The following GRM5 variants were observed in gnomAD, a reference collection of about 807,000 sequenced individuals.
GRM5 encodes glutamate metabotropic receptor 5.
In GRM5, 19 loss-of-function variants were observed where a neutral mutation model predicts 83.1. That is an observed-to-expected ratio of 0.23 (90% confidence interval 0.16 to 0.34). The LOEUF is 0.34. GRM5 is among the 10% of genes least tolerant of loss of function. The probability of loss-of-function intolerance (pLI) is 1.00; values close to 1 mark genes in which losing one functional copy is unlikely to be tolerated. For synonymous variants in GRM5, 675 were observed against 633.6 expected (o/e 1.07, Z -0.98); for missense variants, 1,160 against 1,588.3 (o/e 0.73, Z 4.58).
intron 3 of GRM5, among the ~76,000 whole-genome samples, chr11:88,720,039 C>CTTTTG (rs1678844861): frequency 6.6e-6 from 1 of 151,990 alleles, no homozygotes; most frequent in South Asian, 2.1e-4. Flanking sequence ...TTAATAGTGT[C>CTTTTG]TTTTGTTTTG....
intron 2 of GRM5, among the ~76,000 whole-genome samples, chr11:88,893,665 A>G (rs1945184227): frequency 6.6e-6 from 1 of 152,046 alleles, no homozygotes; most frequent in Non-Finnish European, 1.5e-5. Flanking sequence ...ACCCATTGGA[A>G]TGACTGACAG....
At chr11:88,793,867 C>T (rs1016073684) in intron 3 of GRM5, among the ~76,000 whole-genome samples, 3 of 152,064 alleles carry the variant, frequency 2.0e-5, no homozygotes, top group Non-Finnish European at 4.4e-5. Flanking sequence ...GCTCTGTCAC[C>T]GTGGCTAAAG....
In GRM5 at chr11:88,647,609, C is replaced by T. The variant is rs368954698; in HGVS notation, c.1147+5559G>A. 1.9e-3 allele frequency among the ~76,000 whole-genome samples: 283 copies of T among 151,910 alleles called. 11 individuals carry two copies. The East Asian group carries it at 0.052, about 28-fold the overall frequency. ...TAGGCATGGGCAAGGACTTCATGTC[C>T]AAAACACCAAAAGCAATGGCAACAA... On this transcript the variant is annotated intron_variant, in intron 4 of 9. Transcript: ENST00000305447.
chr11:88,590,820 G>A, intron 6 of GRM5, 93 bp from the exon 7 acceptor site: 1 of 796,598 alleles, frequency 1.3e-6, no homozygotes, highest in Admixed American at 2.2e-5. Flanking sequence ...AAGCAGAAAG[G>A]CCTTTCACAT....
chr11:88,939,854 C>T (rs1938029274), intron 2 of GRM5, among the ~76,000 whole-genome samples: 1 of 151,672 alleles, frequency 6.6e-6, no homozygotes, highest in Non-Finnish European at 1.5e-5. Flanking sequence ...GTCAGAGGAG[C>T]ATTGCAAACA....
chr11:88,872,413 G>A (rs992032084), intron 2 of GRM5, among the ~76,000 whole-genome samples: 1 of 151,326 alleles, frequency 6.6e-6, no homozygotes, highest in Non-Finnish European at 1.5e-5. Context: ...TTAAGGTGAG[G>A]CTGCAATTAT....
chr11:88,803,204 C>A (rs1000290720), intron 3 of GRM5, among the ~76,000 whole-genome samples: 35 of 151,018 alleles, frequency 2.3e-4, no homozygotes, highest in Non-Finnish European at 4.7e-4. Context: ...TCATATGGAA[C>A]CAAAAAAGAG....
At chr11:88,534,596 TG>T (rs1192684570) in intron 8 of GRM5, among the ~76,000 whole-genome samples, 1 of 152,172 alleles carries the variant, frequency 6.6e-6, no homozygotes, top group East Asian at 1.9e-4. Flanking sequence ...AGCACATAGG[TG>T]GAAAGGAGTT....
At chr11:88,568,100 C>T (rs971333676) in intron 7 of GRM5, 108 bp from the exon 8 acceptor site, 6 of 650,078 alleles carry the variant, frequency 9.2e-6, no homozygotes, top group Admixed American at 5.9e-5. Context: ...TGTTCCCCAT[C>T]TACCTTTCTA....
intron 3 of GRM5, among the ~76,000 whole-genome samples, chr11:88,728,170 C>T (rs1591471296): frequency 6.6e-6 from 1 of 151,976 alleles, no homozygotes; most frequent in African/African-American, 2.4e-5. Flanking sequence ...CAAATAGACT[C>T]AATAGAAAAT....
chr11:88,936,367 A>G (rs1212928454), intron 2 of GRM5, among the ~76,000 whole-genome samples: 1 of 151,934 alleles, frequency 6.6e-6, no homozygotes, highest in Non-Finnish European at 1.5e-5. Context: ...TGAAAACTTA[A>G]CAAATAAAAA....
At chr11:88,728,679 A>G (rs1346354074) in intron 3 of GRM5, among the ~76,000 whole-genome samples, 1 of 152,178 alleles carries the variant, frequency 6.6e-6, no homozygotes, top group Non-Finnish European at 1.5e-5. Context: ...ATCCACCAGT[A>G]TCAAGTCGGC....
In GRM5 at chr11:89,047,260, T is replaced by C. The variant is rs1941662133; in HGVS notation, c.613A>G (p.Ile205Val). 1 of 1,614,136 alleles carries C rather than the reference T, an allele frequency of 6.2e-7. No homozygotes were observed. The highest frequency in any genetic ancestry group is 8.5e-7 in the Non-Finnish European group (1 of 1,179,980). The change falls in exon 2 of 10, where the codon ATA becomes GTA. Residue 205 changes from isoleucine to valine, a missense_variant. This residue lies in a region of GRM5 where 84 missense variants were observed against 231.0 expected (regional missense o/e 0.36). Coordinates refer to ENST00000305447, the MANE Select transcript of GRM5 (RefSeq NM_001143831.3). This position sits in a 1 kb window ranked among gnomAD's most constrained non-coding sequence, Gnocchi z 5.1. ...DAQQARAMVD[I>V]VKRYNWTYVS... is the part of the protein sequence containing the mutation. ...TAGGTCCAGTTGTACCTCTTCACTA[T>C]GTCCACCATGGCCCTTGCCTGCTGA...
intron 2 of GRM5, among the ~76,000 whole-genome samples, chr11:89,033,115 T>G (rs1179261504): frequency 6.6e-6 from 1 of 152,028 alleles, no homozygotes; most frequent in African/African-American, 2.4e-5. Flanking sequence ...TCAGGCAGTC[T>G]TACACTTACA....
intron 2 of GRM5, among the ~76,000 whole-genome samples, chr11:88,879,196 G>A (rs1316972934): frequency 6.6e-6 from 1 of 152,012 alleles, no homozygotes; most frequent in Admixed American, 6.6e-5. Flanking sequence ...TGTAATAAAA[G>A]GGGTTATGAG....
intron 3 of GRM5, among the ~76,000 whole-genome samples, chr11:88,842,903 T>C (rs1388140360): frequency 1.3e-5 from 2 of 152,214 alleles, no homozygotes; most frequent in East Asian, 3.8e-4. Flanking sequence ...GAACTCCACT[T>C]ATCCAAAACT....
chr11:88,852,994 T>C (rs1269924371), intron 2 of GRM5, among the ~76,000 whole-genome samples: 1 of 152,146 alleles, frequency 6.6e-6, no homozygotes, highest in Non-Finnish European at 1.5e-5. Flanking sequence ...GAAGTAACTA[T>C]TACTTTTTCC....
intron 3 of GRM5, among the ~76,000 whole-genome samples, chr11:88,764,834 A>T (rs1942597059): frequency 6.6e-6 from 1 of 151,638 alleles, no homozygotes; most frequent in South Asian, 2.1e-4. Context: ...AAGGAAGGAA[A>T]TAATGAAGAT....
Position 88,971,321 on chromosome 11 carries a change from G to A in GRM5, c.661+75891C>T, listed in dbSNP as rs145795673. ...ATTTTAGGTTCACCGGCACATGTGC[G>A]GGTTTGACATATAGGTAAATTGTGT... On this transcript the variant is annotated intron_variant, in intron 2 of 9. Coordinates refer to ENST00000305447, the MANE Select transcript of GRM5 (RefSeq NM_001143831.3). Among the ~76,000 whole-genome samples, 774 of 152,194 alleles carry A rather than the reference G, an allele frequency of 5.1e-3. 12 individuals carry two copies. The highest frequency in any genetic ancestry group is 0.017 in the African/African-American group (688 of 41,528).
Sources: gnomAD v4.1 joint callset for allele counts (sites outside exome capture counted in the v4.1 genomes callset) on GRCh38, gnomAD v4.1.1 for gene constraint, gnomAD v4.1.1 regional missense constraint, Gnocchi (gnomAD v3.1) non-coding constraint, MANE v1.5 for transcripts, NCBI Gene and HGNC (gene_info 2026-07-23, HGNC 2026-07-21) for gene names.